GALNT13: variants seen among roughly 807,000 people sequenced by gnomAD.
GALNT13 encodes the protein polypeptide N-acetylgalactosaminyltransferase 13, also known as UDP-GalNAc:polypeptide N-acetylgalactosaminyltransferase 13.
In GALNT13, 28 loss-of-function variants were observed where a neutral mutation model predicts 64.2. The ratio of observed to expected loss-of-function variants is 0.44; its 90% CI spans 0.32 to 0.60. The LOEUF (loss-of-function observed/expected upper bound fraction) is 0.60, where lower values mean the gene tolerates loss of function less well. Ranked by LOEUF, GALNT13 falls within the 20% of genes least tolerant of loss-of-function variation. GALNT13 has a pLI of 0.05. For missense variants in GALNT13, 577 were observed against 669.8 expected, an observed-to-expected ratio of 0.86 and a Z score of 1.53; for synonymous variants, 214 against 224.6, an observed-to-expected ratio of 0.95 and a Z score of 0.42.
the GALNT13 span, among the ~76,000 whole-genome samples, chr2:153,223,841 C>T: frequency 6.6e-6 from 1 of 151,912 alleles, no homozygotes; most frequent in African/African-American, 2.4e-5. Flanking sequence ...GTGGTGGCAC[C>T]TGCCTATAAT....
At chr2:153,559,108 A>G in the GALNT13 span, among the ~76,000 whole-genome samples, 5 of 152,200 alleles carry the variant, frequency 3.3e-5, no homozygotes, top group Admixed American at 2.6e-4. Context: ...CCATATATAC[A>G]TGAGTATGGA....
At chr2:153,535,197 A>G in the GALNT13 span, among the ~76,000 whole-genome samples, 1 of 152,054 alleles carries the variant, frequency 6.6e-6, no homozygotes. Context: ...ATGATTGGTG[A>G]CGGCCCGGAT....
In GALNT13 at chr2:154,088,015, A is replaced by G. The variant is rs145327354; in HGVS notation, c.143-52322A>G. ...TTTGTTATGTGTTTCTGCAAATTGC[A>G]TGATATCCTTTGTGAATGAAGTAGA... On this transcript the variant is annotated intron_variant, in intron 3 of 12. Transcript: ENST00000392825. Among the ~76,000 whole-genome samples the G allele has an allele frequency of 4.5e-3, 687 of 152,240 alleles. 10 individuals are homozygous for G. Among genetic ancestry groups the G allele is most frequent in the African/African-American group, 0.016 (645 of 41,580 alleles).
At chr2:153,668,343 A>G in the GALNT13 span, among the ~76,000 whole-genome samples, 1 of 152,206 alleles carries the variant, frequency 6.6e-6, no homozygotes, top group Non-Finnish European at 1.5e-5. Context: ...TCTAAAATTG[A>G]CCACATACTT....
chr2:153,403,218 G>T, the GALNT13 span, among the ~76,000 whole-genome samples: 1 of 149,892 alleles, frequency 6.7e-6, no homozygotes, highest in South Asian at 2.1e-4. Context: ...CTGCTGGGGG[G>T]TGCCTCCCGG....
chr2:153,559,217 T>C, the GALNT13 span, among the ~76,000 whole-genome samples: 1 of 152,218 alleles, frequency 6.6e-6, no homozygotes, highest in South Asian at 2.1e-4. Context: ...CCAGTTTGTA[T>C]TGAAAGTTTT....
chr2:153,609,631 A>T, the GALNT13 span, among the ~76,000 whole-genome samples: 1 of 152,148 alleles, frequency 6.6e-6, no homozygotes, highest in Non-Finnish European at 1.5e-5. Context: ...CCACCCTACC[A>T]ACTAGAGAGC....
At chr2:154,371,445 A>G (rs901416962) in intron 9 of GALNT13, among the ~76,000 whole-genome samples, 1 of 107,994 alleles carries the variant, frequency 9.3e-6, no homozygotes, top group Non-Finnish European at 2.2e-5. Context: ...CCATGTGGCA[A>G]GAAAAGTATA....
the GALNT13 span, among the ~76,000 whole-genome samples, chr2:153,353,070 C>T: frequency 6.6e-6 from 1 of 151,994 alleles, no homozygotes; most frequent in Non-Finnish European, 1.5e-5. Flanking sequence ...ATTATTGAGT[C>T]TTTCTATACA....
intron 4 of GALNT13, among the ~76,000 whole-genome samples, chr2:154,235,427 A>G (rs1689143815): frequency 6.6e-6 from 1 of 152,180 alleles, no homozygotes; most frequent in South Asian, 2.1e-4. Flanking sequence ...TTATTATGAA[A>G]CAATCACTTT....
the GALNT13 span, among the ~76,000 whole-genome samples, chr2:153,256,671 T>C: frequency 6.6e-6 from 1 of 152,290 alleles, no homozygotes; most frequent in Middle Eastern, 3.4e-3. Flanking sequence ...TTGTTAGTTT[T>C]CCTTCTAACA....
the GALNT13 span, among the ~76,000 whole-genome samples, chr2:153,168,143 A>T: frequency 2.0e-5 from 3 of 152,212 alleles, no homozygotes; most frequent in African/African-American, 7.2e-5. Context: ...GGAAGGCAAG[A>T]TGATATGTTT....
At chr2:153,582,075 TTA>T in the GALNT13 span, among the ~76,000 whole-genome samples, 6 of 152,174 alleles carry the variant, frequency 3.9e-5, no homozygotes, top group Admixed American at 3.9e-4. Context: ...AAACCTTCTG[TTA>T]TATGTCTATT....
chr2:153,217,804 A>G, the GALNT13 span, among the ~76,000 whole-genome samples: 1 of 152,068 alleles, frequency 6.6e-6, no homozygotes, highest in Non-Finnish European at 1.5e-5. Context: ...GTTATACCTA[A>G]GTCTGATCCT....
At chr2:153,915,727 A>G (rs1689288365) in intron 2 of GALNT13, among the ~76,000 whole-genome samples, 1 of 152,092 alleles carries the variant, frequency 6.6e-6, no homozygotes, top group Non-Finnish European at 1.5e-5. Context: ...ACATAACTTC[A>G]TCCACAAGAG....
chr2:153,849,887 C>A, the GALNT13 span, among the ~76,000 whole-genome samples: 2 of 151,332 alleles, frequency 1.3e-5, no homozygotes, highest in Non-Finnish European at 2.9e-5. Flanking sequence ...AAAGGCCGGG[C>A]GTGGTGGCTC....
intron 4 of GALNT13, among the ~76,000 whole-genome samples, chr2:154,177,876 T>C (rs1685740474): frequency 1.3e-5 from 2 of 152,156 alleles, no homozygotes; most frequent in Admixed American, 1.3e-4. Flanking sequence ...CTACCCCTTT[T>C]TGAAGGGCCA....
chr2:153,625,507 C>T, the GALNT13 span, among the ~76,000 whole-genome samples: 1 of 152,050 alleles, frequency 6.6e-6, no homozygotes, highest in Non-Finnish European at 1.5e-5. Context: ...AAAAAAGTCA[C>T]ACATGCCACA....
the GALNT13 span, among the ~76,000 whole-genome samples, chr2:153,430,032 G>C: frequency 8.5e-5 from 13 of 152,162 alleles, no homozygotes; most frequent in African/African-American, 3.1e-4. Flanking sequence ...ACTGCAAATG[G>C]GAACTACAAT....
Sources: allele counts gnomAD v4.1 joint callset (sites outside exome capture counted in the v4.1 genomes callset), GRCh38; gene constraint gnomAD v4.1.1; transcripts MANE v1.5; gene names NCBI Gene and HGNC (gene_info 2026-07-23, HGNC 2026-07-21).